Variants in CPT1C observed in about 807,000 individuals in gnomAD.
The protein encoded by CPT1C is carnitine palmitoyltransferase 1C.
A neutral mutation model predicts 97.3 loss-of-function variants in CPT1C; 61 were observed. That is an observed-to-expected ratio of 0.63 (90% CI 0.51 to 0.78). The LOEUF is 0.78. CPT1C is among the 30% of genes least tolerant of loss of function. The pLI is 0.00. For missense variants in CPT1C, 975 were observed against 1,065.5 expected, an observed-to-expected ratio of 0.92 and a Z score of 1.18; for synonymous variants, 469 against 447.2, an observed-to-expected ratio of 1.05 and a Z score of -0.61.
rs377620858 is a variant in CPT1C, at chr19:49,712,888, G to T, written c.2133+39G>T. On this transcript the variant is annotated intron_variant, in intron 18 of 19. Coordinates refer to ENST00000598293, the MANE Select transcript of CPT1C (RefSeq NM_001199753.2). ...GGCGCGCTGGCCCCCAGAGGAAAGA[G>T]GGGGCTGGGGGGCCTGCACTCCTGC... The T allele has an allele frequency of 1.9e-6, 3 of 1,595,822 alleles. No homozygotes were observed. In the Admixed American group the frequency reaches 5.0e-5, roughly 27 times the overall value.
At chr19:49,694,628 C>CA (rs1160047948) in intron 3 of CPT1C, among the ~76,000 whole-genome samples, 1,269 of 64,702 alleles carry the variant, frequency 0.02, 11 homozygotes, top group African/African-American at 0.031. Context: ...GACTCCGTTT[C>CA]AAAAAAAAAA....
chr19:49,712,430 G>T (rs548387353), intron 17 of CPT1C: 38 of 413,796 alleles, frequency 9.2e-5, no homozygotes, highest in South Asian at 5.9e-5. Context: ...GCAGAAGGCG[G>T]AGAGGCAACG....
At chr19:49,691,439 C>T (rs1225158895) in intron 1 of CPT1C, 99 bp downstream of exon 1, 1 of 152,052 alleles carries the variant, frequency 6.6e-6, no homozygotes, top group Non-Finnish European at 1.5e-5. Context: ...CCTCGACGCT[C>T]GCCTCCGCTC....
chr19:49,707,044 AG>A (rs2083539385), intron 12 of CPT1C, among the ~76,000 whole-genome samples: 1 of 151,898 alleles, frequency 6.6e-6, no homozygotes, highest in Non-Finnish European at 1.5e-5. Flanking sequence ...GGAGGCTGAG[AG>A]GGGCGGATCA....
In CPT1C at chr19:49,713,565, C is replaced by A; in HGVS notation, c.2372C>A (p.Thr791Asn). 6.2e-7 allele frequency: 1 copy of A among 1,613,770 alleles called. No homozygotes were observed. Among genetic ancestry groups the A allele is most frequent in the Non-Finnish European group, 8.5e-7 (1 of 1,179,796 alleles). The change falls in exon 20 of 20, where the codon ACT (threonine) becomes AAT (asparagine). Residue 791 changes from threonine to asparagine, a missense_variant. Physicochemically the swap from Thr to Asn is moderately conservative, Grantham distance 65. Transcript: ENST00000598293. ...AGGTGTGGATTTCTCTCCCGCCAGA[C>A]TGGGGCCTCCAAGGCCTCAATGACA... is the stretch of plus-strand genomic sequence containing the variant. The part of the protein sequence containing the change: ...RHRCGFLSRQ[T>N]GASKASMTST...
Position 49,713,490 on chromosome 19 carries a change from A to G in CPT1C, c.2297A>G (p.Gln766Arg). Reference protein sequence around the residue: ...LDVASLFQAGQHFKRRFRGSG... With the variant: ...LDVASLFQAGRHFKRRFRGSG... ...GTGGCCTCCCTGTTCCAGGCGGGAC[A>G]GCATTTTAAGCGCCGGTTCAGAGGG... Residue 766 changes from glutamine (Q) to arginine (R), a missense_variant, in exon 20 of 20, where the codon CAG becomes CGG. By Grantham distance (43) the Gln-to-Arg change is conservative. Transcript: ENST00000598293. 1.2e-6 allele frequency: 2 copies of G among 1,614,256 alleles called. No individual in the cohort carries two copies. Among genetic ancestry groups the G allele is most frequent in the Non-Finnish European group, 8.5e-7 (1 of 1,180,042 alleles).
intron 14 of CPT1C, among the ~76,000 whole-genome samples, chr19:49,710,020 G>A (rs1268699883): frequency 1.3e-5 from 2 of 149,806 alleles, no homozygotes. Context: ...CTAGTTTTTT[G>A]TATTTTTAGT....
chr19:49,700,187 C>T (rs1027894868), intron 4 of CPT1C, among the ~76,000 whole-genome samples: 5 of 151,338 alleles, frequency 3.3e-5, no homozygotes, highest in Non-Finnish European at 7.4e-5. Context: ...GCGGAGCTTG[C>T]AGTGAGCCGA....
At position 49,706,231 on chromosome 19, in the gene CPT1C, G is replaced by C; in HGVS notation, c.1161G>C (p.Arg387Ser). The C allele has an allele frequency of 6.5e-7, 1 of 1,533,260 alleles. No homozygotes were observed. The highest frequency in any genetic ancestry group is 8.8e-7 in the Non-Finnish European group (1 of 1,142,102). 95.0% of individuals were successfully genotyped at this position (1,533,260 alleles called of 1,614,324 possible). ...CTCAGGCACATCCCGGGCCCTCCAG[G>C]GGCACGTGGGCCCAGGTGCGGACAT... Reference protein sequence around the residue: ...EHLAALTAAPRGTWAQVRTSL... With the variant: ...EHLAALTAAPSGTWAQVRTSL... The change falls in exon 12 of 20, where the codon AGG becomes AGC. Residue 387 changes from arginine (R) to serine (S), a missense_variant and splice_region_variant. Coordinates refer to ENST00000598293, the MANE Select transcript of CPT1C (RefSeq NM_001199753.2). The surrounding 1 kb of genome is among the most constrained non-coding windows in gnomAD (Gnocchi z 4.8).
At chr19:49,712,337 C>CT (rs2123515359) in intron 17 of CPT1C, 1 of 266,570 alleles carries the variant, frequency 3.8e-6, no homozygotes, top group Non-Finnish European at 6.7e-6. Flanking sequence ...GAGCAAGACT[C>CT]TGTCTCAAAA....
At position 49,706,296 on chromosome 19, in the gene CPT1C, A is replaced by G; in HGVS notation, c.1226A>G (p.Glu409Gly). 1 of 1,536,154 alleles carries G rather than the reference A, an allele frequency of 6.5e-7. No individual in the cohort carries two copies. ...GCAGCGGAGGCCCTGGAGGCGGTGGAAGGGGCCGCTTTCTTTGTGTCACTG... is the reference window on the plus strand; with the variant it reads ...GCAGCGGAGGCCCTGGAGGCGGTGGGAGGGGCCGCTTTCTTTGTGTCACTG... ...TQAAEALEAV[E>G]GAAFFVSLDA... is the part of the protein sequence containing the mutation. Residue 409 changes from glutamate to glycine, a missense_variant, in exon 12 of 20, where the codon GAA (glutamate) becomes GGA (glycine). Glu to Gly is a moderately conservative substitution (Grantham distance 98, BLOSUM62 -2). Transcript: ENST00000598293. This position sits in a 1 kb window ranked among gnomAD's most constrained non-coding sequence, Gnocchi z 4.8.
chr19:49,712,343 CAAA>C (rs750870666), intron 17 of CPT1C: 1,231 of 118,106 alleles, frequency 0.01, no homozygotes, highest in South Asian at 0.018. Context: ...GACTCTGTCT[CAAA>C]AAAAAAAAAA....
chr19:49,710,991 C>A, intron 16 of CPT1C, 134 bp downstream of exon 16: 1 of 913,922 alleles, frequency 1.1e-6, no homozygotes, highest in Non-Finnish European at 1.6e-6. Flanking sequence ...GACCTGGCCT[C>A]TGACTTCAAA....
intron 7 of CPT1C, among the ~76,000 whole-genome samples, chr19:49,701,936 T>TTATAAATTTATATATAAATATATTTATA (rs2083109437): frequency 1.3e-5 from 1 of 74,166 alleles, no homozygotes; most frequent in Non-Finnish European, 2.2e-5. Context: ...ATATTAATAT[T>TTATAAATTTATATATAAATATATTTATA]TATAAATTTA....
rs559796884 is a variant in CPT1C, at chr19:49,701,683, T to G, written c.693+49T>G. On this transcript the variant is annotated intron_variant, in intron 7 of 19. Transcript: ENST00000598293. ...CGCCCCACCTGAAGGGCTAAGGTTG[T>G]GAGCTCGCCTGCTAAACTTGCGAGT... 3 of 1,527,060 alleles carry G rather than the reference T, an allele frequency of 2.0e-6. No individual in the cohort carries two copies. In the African/African-American group the frequency reaches 4.1e-5, roughly 21 times the overall value. The allele number at this position is 1,527,060 out of a possible 1,614,324, so 94.6% of individuals were successfully genotyped here. A position where few individuals can be genotyped will look rare whatever the true frequency, so the allele number is the denominator to read the frequency against.
chr19:49,698,516 A>G (rs1415543450), intron 4 of CPT1C, among the ~76,000 whole-genome samples: 1 of 151,808 alleles, frequency 6.6e-6, no homozygotes, highest in Non-Finnish European at 1.5e-5. Context: ...TACAAAAATT[A>G]GCCGGGTGTG....
intron 7 of CPT1C, among the ~76,000 whole-genome samples, chr19:49,701,908 ATT>A (rs2083100551): frequency 8.5e-6 from 1 of 117,502 alleles, no homozygotes; most frequent in Non-Finnish European, 1.7e-5. Context: ...AAATATATAT[ATT>A]TATATTTATA....
At chr19:49,713,227 T>C in intron 19 of CPT1C, 163 bp downstream of exon 19, 1 of 711,074 alleles carries the variant, frequency 1.4e-6, no homozygotes, top group Non-Finnish European at 2.3e-6. Context: ...GACCCGGGAG[T>C]CCAGGCCCCC....
At position 49,707,633 on chromosome 19, in the gene CPT1C, C is replaced by T; in HGVS notation, c.1449+10C>T. On this transcript the variant is annotated intron_variant, in intron 13 of 19. Coordinates refer to ENST00000598293, the MANE Select transcript of CPT1C (RefSeq NM_001199753.2). Reference sequence around the variant, plus strand: ...AGGACACATGTGGGAGGTAGGGCGGCCAGCCCTCCCTGGTTCTGGGGACCC... The same window carrying T: ...AGGACACATGTGGGAGGTAGGGCGGTCAGCCCTCCCTGGTTCTGGGGACCC... The T allele has an allele frequency of 6.3e-7, 1 of 1,577,820 alleles. No homozygotes were observed. The highest frequency in any genetic ancestry group is 8.7e-7 in the Non-Finnish European group (1 of 1,152,072).
Sources: allele counts gnomAD v4.1 joint callset (sites outside exome capture counted in the v4.1 genomes callset), GRCh38; gene constraint gnomAD v4.1.1; non-coding constraint Gnocchi (gnomAD v3.1); transcripts MANE v1.5; gene names NCBI Gene and HGNC (gene_info 2026-07-23, HGNC 2026-07-21).